The following PXK variants were observed in gnomAD, a reference collection of about 807,000 sequenced individuals.
PXK encodes the protein PX domain containing serine/threonine kinase like, also known as PX domain-containing protein kinase-like protein.
A neutral mutation model predicts 84.7 loss-of-function variants in PXK; 35 were observed. The observed-to-expected ratio is 0.41, with a 90% CI of 0.32 to 0.55. The LOEUF (loss-of-function observed/expected upper bound fraction) is 0.55. Among genes scored for constraint, PXK ranks in the 20% least tolerant of loss-of-function variants. The pLI, the probability that PXK is intolerant of heterozygous loss-of-function variation, is 0.21. For synonymous variants in PXK, 253 were observed against 260.8 expected (o/e 0.97, Z 0.29); for missense variants, 634 against 699.7 (o/e 0.91, Z 1.06).
At chr3:58,403,152 G>T (rs956975459) in intron 12 of PXK, among the ~76,000 whole-genome samples, 1 of 151,858 alleles carries the variant, frequency 6.6e-6, no homozygotes, top group Non-Finnish European at 1.5e-5. Context: ...CAATAGGCAC[G>T]CACCACCACA....
intron 1 of PXK, among the ~76,000 whole-genome samples, chr3:58,340,249 A>G (rs1388915928): frequency 6.6e-6 from 1 of 151,318 alleles, no homozygotes. Flanking sequence ...CAGCCTCCTG[A>G]GTAGCTGGAA....
intron 17 of PXK, chr3:58,420,438 C>T: frequency 7.1e-7 from 1 of 1,408,610 alleles, no homozygotes; most frequent in East Asian, 2.5e-5. Context: ...GTGATTCAGA[C>T]TAATATTTTA....
rs2098353793 is a variant in PXK, at chr3:58,370,644, G to A, written c.201+1166G>A. 6.6e-6 allele frequency among the ~76,000 whole-genome samples: 1 copy of A among 152,180 alleles called. No homozygotes were observed. The highest frequency in any genetic ancestry group is 2.1e-4 in the South Asian group (1 of 4,828). ...TAAAGGTCAGGAGGACTGTGCACTA[G>A]GAGGAAGCGTAATACTTCCTTTCCT... On this transcript the variant is annotated intron_variant, in intron 3 of 17. Coordinates refer to ENST00000356151, the MANE Select transcript of PXK (RefSeq NM_017771.5). This position sits in a 1 kb window ranked among gnomAD's most constrained non-coding sequence, Gnocchi z 4.2.
In PXK at chr3:58,397,352, G is replaced by A; in HGVS notation, c.984+152G>A. The A allele has an allele frequency of 9.7e-7, 1 of 1,027,928 alleles. No individual in the cohort carries two copies. The highest frequency in any genetic ancestry group is 1.6e-5 in the African/African-American group (1 of 62,844). The allele number at this position is 1,027,928 out of a possible 1,614,324, so 63.7% of individuals were successfully genotyped here. On this transcript the variant is annotated intron_variant, in intron 10 of 17. Transcript: ENST00000356151. The surrounding 1 kb of genome is among the most constrained non-coding windows in gnomAD (Gnocchi z 4.7). ...CCTTGCAGCGTTGCTGTATCTCTGG[G>A]AGGCTGAGTTGAAATGGCGGGTGGG...
At chr3:58,423,627 G>T in intron 17 of PXK, 1 of 1,444,622 alleles carries the variant, frequency 6.9e-7, no homozygotes. Flanking sequence ...AGCTTTACCT[G>T]TTACTTATCA....
rs546225561 is a variant in PXK, at chr3:58,421,993, G to C, written c.1529-2759G>C. ...GCAGGAAGGCCTCATTCACATCTGA[G>C]GGGTGGAGAGCGCGCAGGCAGCAGG... On this transcript the variant is annotated intron_variant, in intron 17 of 17. Transcript: ENST00000356151. The surrounding 1 kb of genome is among the most constrained non-coding windows in gnomAD (Gnocchi z 5.5). 3 of 985,388 alleles carry C rather than the reference G, an allele frequency of 3.0e-6. No homozygotes were observed. The highest frequency in any genetic ancestry group is 4.7e-5 in the South Asian group (1 of 21,294). The allele number at this position is 985,388 out of a possible 1,614,324, so 61.0% of individuals were successfully genotyped here.
At position 58,408,987 on chromosome 3, in the gene PXK, G is replaced by A; in HGVS notation, c.1294G>A (p.Glu432Lys). 1 of 1,583,912 alleles carries A rather than the reference G, an allele frequency of 6.3e-7. No individual in the cohort carries two copies. The highest frequency in any genetic ancestry group is 8.7e-7 in the Non-Finnish European group (1 of 1,153,002). ...AKECIEKRLI[E>K]EQKQIHQHRR... ...AGAATGTATAGAGAAGAGACTAATT[G>A]AGGAACAGAAACAGGTAAATTGATA... Residue 432 changes from glutamate to lysine, a missense_variant, in exon 14 of 18, where the codon GAG becomes AAG. Around this residue, in one of 3 missense-constraint regions of PXK, gnomAD observed 273 missense variants for 283.6 expected, o/e 0.96. Transcript: ENST00000356151.
At chr3:58,356,827 C>T (rs1251132925) in intron 1 of PXK, among the ~76,000 whole-genome samples, 5 of 150,846 alleles carry the variant, frequency 3.3e-5, no homozygotes, top group African/African-American at 7.3e-5. Context: ...TGGTCTTGAA[C>T]GCCTGACCTT....
chr3:58,388,439 A>G (rs1051392133), intron 4 of PXK, among the ~76,000 whole-genome samples: 1 of 152,232 alleles, frequency 6.6e-6, no homozygotes, highest in African/African-American at 2.4e-5. Flanking sequence ...CTCAAAGTTG[A>G]TATGAATGAT....
At chr3:58,419,473 G>A (rs28709068) in intron 17 of PXK, among the ~76,000 whole-genome samples, 10,689 of 152,292 alleles carry the variant, frequency 0.07, 474 homozygotes, top group South Asian at 0.1. Context: ...GGCTGGTCTC[G>A]AACTTCTGGC....
intron 3 of PXK, among the ~76,000 whole-genome samples, chr3:58,372,483 C>T (rs567420104): frequency 6.6e-5 from 10 of 151,972 alleles, no homozygotes; most frequent in South Asian, 2.1e-4. Context: ...CCACCACGCC[C>T]GGCTAATTTT....
Position 58,382,472 on chromosome 3 carries a change from T to A in PXK, c.202-42T>A, listed in dbSNP as rs1243683768. On this transcript the variant is annotated intron_variant, in intron 3 of 17. Transcript: ENST00000356151. ...CAAGATTTTTGTGTTGATTCTTATT[T>A]GTGGATGACATGAGTGTAACTTTTT... is the stretch of plus-strand genomic sequence containing the variant. 8 of 1,443,280 alleles carry A rather than the reference T, an allele frequency of 5.5e-6. No homozygotes were observed. The South Asian group carries it at 5.9e-5, about 11-fold the overall frequency. 89.4% of individuals were successfully genotyped at this position (1,443,280 alleles called of 1,614,324 possible).
At chr3:58,343,820 G>T (rs1167092284) in intron 1 of PXK, among the ~76,000 whole-genome samples, 1 of 152,194 alleles carries the variant, frequency 6.6e-6, no homozygotes, top group Non-Finnish European at 1.5e-5. Context: ...TGGAGGTAAA[G>T]CTCTTATGTA....
Position 58,390,738 on chromosome 3 carries a change from C to A in PXK, c.466+79C>A. ...CTTAGTCATGCTTTCTGATACGTATCCCAGGAACATGCTTAAATGCAGGTG... is the reference window on the plus strand; with the variant it reads ...CTTAGTCATGCTTTCTGATACGTATACCAGGAACATGCTTAAATGCAGGTG... On this transcript the variant is annotated intron_variant, in intron 5 of 17. Coordinates refer to ENST00000356151, the MANE Select transcript of PXK (RefSeq NM_017771.5). This position sits in a 1 kb window ranked among gnomAD's most constrained non-coding sequence, Gnocchi z 4.2. 7.5e-7 allele frequency: 1 copy of A among 1,338,468 alleles called. No individual in the cohort carries two copies. Among genetic ancestry groups the A allele is most frequent in the Non-Finnish European group, 1.0e-6 (1 of 957,728 alleles). 82.9% of individuals were successfully genotyped at this position (1,338,468 alleles called of 1,614,324 possible). A position where few individuals can be genotyped will look rare whatever the true frequency, so the allele number is the denominator to read the frequency against.
intron 1 of PXK, among the ~76,000 whole-genome samples, chr3:58,357,439 C>T (rs1036433351): frequency 1.3e-5 from 2 of 152,162 alleles, no homozygotes; most frequent in South Asian, 4.1e-4. Flanking sequence ...ATAGCAATGC[C>T]TTCTGGACAC....
At chr3:58,353,850 A>G (rs770948731) in intron 1 of PXK, among the ~76,000 whole-genome samples, 2 of 152,216 alleles carry the variant, frequency 1.3e-5, no homozygotes, top group Non-Finnish European at 2.9e-5. Flanking sequence ...GGGTTAGGAC[A>G]GTTTGGTCAG....
intron 17 of PXK, among the ~76,000 whole-genome samples, chr3:58,419,204 T>C (rs569382817): frequency 6.6e-6 from 1 of 152,352 alleles, no homozygotes; most frequent in South Asian, 2.1e-4. Flanking sequence ...CAGGACTCTC[T>C]CTGGAATGGG....
chr3:58,418,795 G>GAAAACCCAGTTTGCAA (rs1261407532), intron 17 of PXK, among the ~76,000 whole-genome samples: 1 of 152,190 alleles, frequency 6.6e-6, no homozygotes, highest in Admixed American at 6.5e-5. Flanking sequence ...GCAGTTTGTA[G>GAAAACCCAGTTTGCAA]AAAACCCAGT....
At chr3:58,347,300 AG>A (rs2107909282) in intron 1 of PXK, among the ~76,000 whole-genome samples, 2 of 152,310 alleles carry the variant, frequency 1.3e-5, no homozygotes, top group East Asian at 3.9e-4. Flanking sequence ...ACCTATTTTA[AG>A]TATACAATTT....
Sources: allele counts gnomAD v4.1 joint callset (sites outside exome capture counted in the v4.1 genomes callset), GRCh38; gene constraint gnomAD v4.1.1; regional missense constraint gnomAD v4.1.1; non-coding constraint Gnocchi (gnomAD v3.1); transcripts MANE v1.5; gene names NCBI Gene and HGNC (gene_info 2026-07-23, HGNC 2026-07-21).